The following NOS1 variants were observed in gnomAD, a reference collection of about 807,000 sequenced individuals.
NOS1 encodes the protein NOS type I.
NOS1 carries 51 observed loss-of-function variants against 164.5 expected under a neutral mutation model. That is an observed-to-expected ratio of 0.31 (90% CI 0.25 to 0.39). The LOEUF (loss-of-function observed/expected upper bound fraction) is 0.39. Ranked by LOEUF, NOS1 falls within the 10% of genes least tolerant of loss-of-function variation. The pLI is 1.00. For missense variants in NOS1, 1,362 were observed against 1,885.6 expected, an observed-to-expected ratio of 0.72 and a Z score of 5.14; for synonymous variants, 719 against 745.8, an observed-to-expected ratio of 0.96 and a Z score of 0.59.
In NOS1 at chr12:117,225,012, C is replaced by T; in HGVS notation, c.3826+4G>A. 5 of 1,614,130 alleles carry T rather than the reference C, an allele frequency of 3.1e-6. No homozygotes were observed. The highest frequency in any genetic ancestry group is 4.2e-6 in the Non-Finnish European group (5 of 1,179,990). On this transcript the variant is annotated splice_donor_region_variant and intron_variant, in intron 25 of 28. Coordinates refer to ENST00000317775, the MANE Select transcript of NOS1 (RefSeq NM_000620.5). ...AACCAAGTGGCCACTGGACTGTAAC[C>T]CACCTTTGTGTTGGATATCAAATTG... is the stretch of plus-strand genomic sequence containing the variant.
At position 117,227,612 on chromosome 12, in the gene NOS1, C is replaced by A; in HGVS notation, c.3435G>T (p.Trp1145Cys). Residue 1145 changes from tryptophan to cysteine, a missense_variant, in exon 23 of 29, where the codon TGG becomes TGT. This residue lies in a region of NOS1 where 737 missense variants were observed against 1,030.3 expected (regional missense o/e 0.72). Transcript: ENST00000317775. ...CCTCCACGATGGTGGGGTTCTTGCC[C>A]CATTTCCATTCCTCGTACTCCTGCA... ...KGLQEYEEWK[W>C]GKNPTIVEVL... is the part of the protein sequence containing the mutation. 6.2e-7 allele frequency: 1 copy of A among 1,614,044 alleles called. No homozygotes were observed. The highest frequency in any genetic ancestry group is 8.5e-7 in the Non-Finnish European group (1 of 1,179,946).
intron 16 of NOS1, among the ~76,000 whole-genome samples, chr12:117,254,533 G>A (rs1284126418): frequency 2.0e-5 from 3 of 152,234 alleles, no homozygotes; most frequent in African/African-American, 7.2e-5. Flanking sequence ...AGATGCCAGT[G>A]TCTCCAGACT....
At chr12:117,337,261 A>C (rs994829887) in intron 1 of NOS1, among the ~76,000 whole-genome samples, 1 of 151,760 alleles carries the variant, frequency 6.6e-6, no homozygotes, top group Admixed American at 6.6e-5. Flanking sequence ...GACTACAGAC[A>C]TGTGCTACCA....
At chr12:117,266,951 G>A (rs1205516093) in intron 11 of NOS1, among the ~76,000 whole-genome samples, 2 of 152,160 alleles carry the variant, frequency 1.3e-5, no homozygotes, top group Non-Finnish European at 2.9e-5. Context: ...ATGGTTAAAG[G>A]AGAAGGGAGG....
In NOS1 at chr12:117,212,816, C is replaced by T. The variant is rs1161160205; in HGVS notation, c.*2493G>A. The T allele has an allele frequency of 1.0e-6, 1 of 985,310 alleles. No homozygotes were observed. The highest frequency in any genetic ancestry group is 1.2e-6 in the Non-Finnish European group (1 of 829,942). 61.0% of individuals were successfully genotyped at this position (985,310 alleles called of 1,614,324 possible). On this transcript the variant is annotated 3_prime_UTR_variant, in exon 29 of 29. Transcript: ENST00000317775. ...TGATCTGAGCCTAACAATCTGGACT[C>T]CACTCTGGTCCTTGAGAGGTTACTC...
chr12:117,257,541 T>A (rs540978446), intron 16 of NOS1, among the ~76,000 whole-genome samples: 1 of 152,066 alleles, frequency 6.6e-6, no homozygotes, highest in Non-Finnish European at 1.5e-5. Context: ...CTAGATTAGC[T>A]GCAACTTCAC....
chr12:117,246,590 C>A (rs371488591), intron 18 of NOS1, among the ~76,000 whole-genome samples: 1 of 152,158 alleles, frequency 6.6e-6, no homozygotes, highest in Non-Finnish European at 1.5e-5. Context: ...CATCACCCCC[C>A]CAACACTGAA....
At chr12:117,253,610 C>T (rs1337927901) in intron 17 of NOS1, 28 bp downstream of exon 17, 2 of 1,519,530 alleles carry the variant, frequency 1.3e-6, no homozygotes, top group Non-Finnish European at 1.8e-6. Context: ...TCTTCCCTGA[C>T]CCCCGACCCC....
chr12:117,297,902 G>A (rs1416089078), intron 3 of NOS1, among the ~76,000 whole-genome samples: 1 of 152,074 alleles, frequency 6.6e-6, no homozygotes, highest in African/African-American at 2.4e-5. Context: ...CACCAGGGGA[G>A]GCAGGCAGGC....
At chr12:117,303,490 ATCTC>A (rs936943990) in intron 3 of NOS1, among the ~76,000 whole-genome samples, 14 of 152,104 alleles carry the variant, frequency 9.2e-5, no homozygotes, top group Non-Finnish European at 1.9e-4. Context: ...TATAACAGTG[ATCTC>A]TCTATCTGAT....
chr12:117,265,419 G>A lies in NOS1; in HGVS notation c.2033C>T (p.Pro678Leu). 1 of 1,595,704 alleles carries A rather than the reference G, an allele frequency of 6.3e-7. No homozygotes were observed. The highest frequency in any genetic ancestry group is 8.5e-7 in the Non-Finnish European group (1 of 1,171,564). ...ENEYRCRGGC[P>L]ADWVWIVPPM... ...GGGCACGATCCACACCCAGTCGGCA[G>A]GGCAGCCCCCCCGGCAGCGGTACTC... is the stretch of plus-strand genomic sequence containing the variant. The change falls in exon 12 of 29, where the codon CCT becomes CTT. Residue 678 changes from proline to leucine, a missense_variant. Pro to Leu is a moderately conservative substitution (Grantham distance 98). Coordinates refer to ENST00000317775, the MANE Select transcript of NOS1 (RefSeq NM_000620.5).
chr12:117,322,721 C>G (rs1593021946), intron 2 of NOS1, among the ~76,000 whole-genome samples: 1 of 141,366 alleles, frequency 7.1e-6, no homozygotes, highest in East Asian at 2.2e-4. Flanking sequence ...TTTCATCTCT[C>G]CTTCCCTCTT....
At chr12:117,271,837 G>A (rs532519353) in intron 10 of NOS1, among the ~76,000 whole-genome samples, 2 of 152,296 alleles carry the variant, frequency 1.3e-5, no homozygotes, top group South Asian at 2.1e-4. Context: ...GACTCAGCCC[G>A]GGAGGGAATC....
At position 117,280,823 on chromosome 12, in the gene NOS1, C is replaced by T. The variant is rs1348562943; in HGVS notation, c.1426G>A (p.Asp476Asn). ...IFPQRTDGKH[D>N]FRVWNSQLIR... ...AGCTGGGAGTTCCAGACTCGGAAGT[C>T]GTGCTTGCCGTCTGTCCTCTGGGGG... The change falls in exon 8 of 29, where the codon GAC becomes AAC. Residue 476 changes from aspartate to asparagine, a missense_variant. By Grantham distance (23) the Asp-to-Asn change is conservative (BLOSUM62 1). Around this residue, in one of 4 missense-constraint regions of NOS1, gnomAD observed 134 missense variants for 267.3 expected, o/e 0.50. Transcript: ENST00000317775. 1.2e-6 allele frequency: 2 copies of T among 1,614,044 alleles called. No homozygotes were observed. The highest frequency in any genetic ancestry group is 1.7e-6 in the Non-Finnish European group (2 of 1,180,038).
intron 1 of NOS1, among the ~76,000 whole-genome samples, chr12:117,360,968 C>A (rs1877116001): frequency 6.6e-6 from 1 of 152,176 alleles, no homozygotes; most frequent in Non-Finnish European, 1.5e-5. Context: ...ACCGGAGCCC[C>A]CGGCCTGAGG....
At chr12:117,311,405 C>T in intron 3 of NOS1, 61 bp downstream of exon 3, 1 of 1,515,716 alleles carries the variant, frequency 6.6e-7, no homozygotes. Context: ...CAGCTTCCCA[C>T]CTGGGAGGGG....
At chr12:117,302,710 C>T (rs760154485) in intron 3 of NOS1, among the ~76,000 whole-genome samples, 59 of 151,994 alleles carry the variant, frequency 3.9e-4, no homozygotes, top group Admixed American at 1.4e-3. Flanking sequence ...TGGCTACACA[C>T]CTGCACCGTG....
intron 3 of NOS1, among the ~76,000 whole-genome samples, chr12:117,294,364 T>A (rs562289205): frequency 7.2e-5 from 11 of 152,066 alleles, no homozygotes; most frequent in Admixed American, 7.2e-4. Flanking sequence ...ATAACAGGAC[T>A]AATAAAAGAG....
At chr12:117,294,499 A>AT (rs1401551870) in intron 3 of NOS1, among the ~76,000 whole-genome samples, 1 of 152,184 alleles carries the variant, frequency 6.6e-6, no homozygotes, top group African/African-American at 2.4e-5. Flanking sequence ...GAAACCAGGC[A>AT]TTAGGAGGCT....
Sources: gnomAD v4.1 joint callset for allele counts (sites outside exome capture counted in the v4.1 genomes callset) on GRCh38, gnomAD v4.1.1 for gene constraint, gnomAD v4.1.1 regional missense constraint, MANE v1.5 for transcripts, NCBI Gene and HGNC (gene_info 2026-07-23, HGNC 2026-07-21) for gene names.